Variants in SSH2 observed in about 807,000 individuals in gnomAD.
The protein encoded by SSH2 is slingshot protein phosphatase 2, also known as protein phosphatase Slingshot homolog 2.
Under a neutral mutation model 135.2 loss-of-function variants are expected in SSH2, and 37 were observed. The ratio of observed to expected loss-of-function variants is 0.27; its 90% CI spans 0.21 to 0.36. SSH2 has a LOEUF of 0.36. Among genes scored for constraint, SSH2 ranks in the 10% least tolerant of loss-of-function variants. The probability of loss-of-function intolerance (pLI) is 1.00; values close to 1 mark genes in which losing one functional copy is unlikely to be tolerated. For synonymous variants in SSH2, 628 were observed against 646.2 expected (o/e 0.97, Z 0.43); for missense variants, 1,408 against 1,765.3 (o/e 0.80, Z 3.63).
chr17:29,861,398 G>A (rs960616676), intron 1 of SSH2, among the ~76,000 whole-genome samples: 2 of 152,054 alleles, frequency 1.3e-5, no homozygotes, highest in African/African-American at 4.8e-5. Context: ...GACTGATTAT[G>A]TTGCATCCTG....
chr17:29,695,576 G>A, intron 4 of SSH2, 53 bp from the exon 5 acceptor site: 5 of 1,498,144 alleles, frequency 3.3e-6, no homozygotes, highest in Non-Finnish European at 4.6e-6. Context: ...AATGTTGACA[G>A]AGAGGATTCC....
At chr17:29,795,483 G>T (rs1022503347) in intron 2 of SSH2, among the ~76,000 whole-genome samples, 1 of 152,114 alleles carries the variant, frequency 6.6e-6, no homozygotes, top group Non-Finnish European at 1.5e-5. Flanking sequence ...GAGGTTTTAG[G>T]TTAGAAAGGT....
chr17:29,754,911 G>A (rs780310465), intron 3 of SSH2, among the ~76,000 whole-genome samples: 2 of 152,082 alleles, frequency 1.3e-5, no homozygotes, highest in African/African-American at 2.4e-5. Flanking sequence ...CACCTGCTTC[G>A]GCCTCCCAAA....
At chr17:29,676,068 G>T (rs1194191521) in intron 8 of SSH2, 2 of 152,110 alleles carry the variant, frequency 1.3e-5, no homozygotes, top group Non-Finnish European at 2.9e-5. Context: ...GGCTTTATTT[G>T]CATTATGCAA....
chr17:29,925,032 G>A (rs1597521006), intron 1 of SSH2, among the ~76,000 whole-genome samples: 1 of 152,098 alleles, frequency 6.6e-6, no homozygotes, highest in South Asian at 2.1e-4. Flanking sequence ...TATAAACCAG[G>A]AGCCAAGGAA....
At chr17:29,659,517 C>T (rs1215485235) in intron 11 of SSH2, among the ~76,000 whole-genome samples, 7 of 152,080 alleles carry the variant, frequency 4.6e-5, no homozygotes, top group African/African-American at 1.4e-4. Flanking sequence ...TCTGAAAAGG[C>T]AGACATTTTA....
chr17:29,877,260 G>C (rs116411455), intron 1 of SSH2, among the ~76,000 whole-genome samples: 1,888 of 152,280 alleles, frequency 0.012, 44 homozygotes, highest in African/African-American at 0.042. Flanking sequence ...GGGAACCCTT[G>C]TAAACTGTTG....
rs543193138 is a variant in SSH2, at chr17:29,688,967, C to T, written c.358-4283G>A. Among the ~76,000 whole-genome samples, 190 of 152,100 alleles carry T rather than the reference C, an allele frequency of 1.2e-3. 1 individual carries two copies. Among genetic ancestry groups the T allele is most frequent in the Admixed American group, 5.8e-3 (88 of 15,278 alleles). On this transcript the variant is annotated intron_variant, in intron 5 of 15. Coordinates refer to ENST00000540801, the MANE Select transcript of SSH2 (RefSeq NM_001282129.2). ...GGTCAGGAGTTCGAGATCAGCTGGCCAACAGGGCAAAATCCTCTCTCTACT... is the reference window on the plus strand; with the variant it reads ...GGTCAGGAGTTCGAGATCAGCTGGCTAACAGGGCAAAATCCTCTCTCTACT...
chr17:29,761,871 G>GTGTGTGTA (rs1334168372), intron 3 of SSH2, among the ~76,000 whole-genome samples: 36 of 98,774 alleles, frequency 3.6e-4, no homozygotes, highest in African/African-American at 1.3e-3. Flanking sequence ...GTGTGTGTGT[G>GTGTGTGTA]TATATATATA....
chr17:29,805,128 A>G (rs1007583946), intron 2 of SSH2, among the ~76,000 whole-genome samples: 2 of 150,696 alleles, frequency 1.3e-5, no homozygotes, highest in African/African-American at 4.9e-5. Context: ...TCCAGGCCTC[A>G]TGCCTATAAA....
At chr17:29,792,791 C>G (rs887960697) in intron 3 of SSH2, among the ~76,000 whole-genome samples, 9 of 152,202 alleles carry the variant, frequency 5.9e-5, no homozygotes, top group Non-Finnish European at 1.3e-4. Flanking sequence ...ATTCTCCTGC[C>G]TCAGCCTCCT....
intron 1 of SSH2, among the ~76,000 whole-genome samples, chr17:29,870,279 A>T (rs561741469): frequency 6.0e-3 from 175 of 29,154 alleles, no homozygotes; most frequent in African/African-American, 0.025. Flanking sequence ...CAGAATAGGT[A>T]AAAAAAAAAA....
rs1202604282 is a variant in SSH2 at position 29,636,493 on chromosome 17, A to C, written c.1737T>G (p.Asn579Lys). 6.2e-7 allele frequency: 1 copy of C among 1,614,222 alleles called. No individual in the cohort carries two copies. The highest frequency in any genetic ancestry group is 8.5e-7 in the Non-Finnish European group (1 of 1,180,032). Residue 579 changes from asparagine (N) to lysine (K), a missense_variant, in exon 15 of 16, where the codon AAT becomes AAG. This residue lies in a region of SSH2 where 1,080 missense variants were observed against 1,144.5 expected (regional missense o/e 0.94). Coordinates refer to ENST00000540801, the MANE Select transcript of SSH2 (RefSeq NM_001282129.2). ...IEDELNLNDI[N>K]GCSSGCCLNE... Reference sequence around the variant, plus strand: ...TCAGACAACACCCTGATGAGCATCCATTGATGTCATTTAAGTTTAATTCAT... The same window carrying C: ...TCAGACAACACCCTGATGAGCATCCCTTGATGTCATTTAAGTTTAATTCAT...
In SSH2 at chr17:29,929,927, G is replaced by A. The variant is rs1343340339; in HGVS notation, c.63+11C>T. The A allele has an allele frequency of 6.3e-7, 1 of 1,592,630 alleles. No homozygotes were observed. Among genetic ancestry groups the A allele is most frequent in the South Asian group, 1.1e-5 (1 of 87,744 alleles). The stretch of plus-strand genomic sequence containing the variant: ...CAGAAGCAAGCGGAGCGGCCGCCAG[G>A]AAGGACTCACCGAGGCGCAGGGGCT... On this transcript the variant is annotated intron_variant, in intron 1 of 15. Coordinates refer to ENST00000540801, the MANE Select transcript of SSH2 (RefSeq NM_001282129.2).
intron 3 of SSH2, among the ~76,000 whole-genome samples, chr17:29,738,761 A>G (rs889251181): frequency 2.6e-5 from 4 of 151,764 alleles, no homozygotes; most frequent in African/African-American, 9.7e-5. Context: ...TCACTGTGTT[A>G]GCCAGGATGG....
At chr17:29,887,071 T>C (rs1311864358) in intron 1 of SSH2, among the ~76,000 whole-genome samples, 1 of 152,166 alleles carries the variant, frequency 6.6e-6, no homozygotes, top group Admixed American at 6.5e-5. Flanking sequence ...GCCAGATGAA[T>C]GGCTCTCCTA....
rs770397352 is a variant in SSH2, at chr17:29,631,744, A to G, written c.3450T>C (p.His1150=). The G allele has an allele frequency of 1.9e-6, 3 of 1,614,148 alleles. No individual in the cohort carries two copies. The highest frequency in any genetic ancestry group is 2.2e-5 in the South Asian group (2 of 91,078). ...GGTAATCCAAACTGGCAGACAGTAA[A>G]TGGGTTGTATGACTGACAAAAGGTG... The part of the protein sequence containing the change: ...TAAPFVSHTT[H]LLSASLDYLH... The change falls in exon 16 of 16, where the codon CAT becomes CAC. Residue 1150 remains histidine, a synonymous_variant. Coordinates refer to ENST00000540801, the MANE Select transcript of SSH2 (RefSeq NM_001282129.2).
intron 4 of SSH2, among the ~76,000 whole-genome samples, chr17:29,701,261 G>A (rs2038966825): frequency 6.6e-6 from 1 of 152,032 alleles, no homozygotes; most frequent in African/African-American, 2.4e-5. Flanking sequence ...GTGAGCCACT[G>A]TGCCCGGCCT....
At chr17:29,667,674 T>C (rs2037335007) in intron 9 of SSH2, among the ~76,000 whole-genome samples, 1 of 152,236 alleles carries the variant, frequency 6.6e-6, no homozygotes, top group Non-Finnish European at 1.5e-5. Context: ...GGCTGGGGAC[T>C]GCTGACTTAA....
Sources: gnomAD v4.1 joint callset for allele counts (sites outside exome capture counted in the v4.1 genomes callset) on GRCh38, gnomAD v4.1.1 for gene constraint, gnomAD v4.1.1 regional missense constraint, MANE v1.5 for transcripts, NCBI Gene and HGNC (gene_info 2026-07-23, HGNC 2026-07-21) for gene names.